The following HECW2 variants were observed in gnomAD, a reference collection of about 807,000 sequenced individuals.
HECW2 encodes HECT, C2 and WW domain containing E3 ubiquitin protein ligase 2, also known as E3 ubiquitin-protein ligase HECW2.
In HECW2, 61 loss-of-function variants were observed where a neutral mutation model predicts 175.2. That is an observed-to-expected ratio of 0.35 (90% CI 0.28 to 0.43). The LOEUF is 0.43. Among genes scored for constraint, HECW2 ranks in the 20% least tolerant of loss-of-function variants. HECW2 has a pLI of 1.00. For missense variants in HECW2, 1,524 were observed against 2,000.5 expected, an observed-to-expected ratio of 0.76 and a Z score of 4.54; for synonymous variants, 671 against 731.0, an observed-to-expected ratio of 0.92 and a Z score of 1.32.
chr2:196,505,144 A>T (rs1194138650), intron 1 of HECW2, among the ~76,000 whole-genome samples: 2 of 152,182 alleles, frequency 1.3e-5, no homozygotes, highest in Non-Finnish European at 2.9e-5. Context: ...GTAATGATAA[A>T]ATTAGATTAA....
chr2:196,546,820 CAA>C lies in HECW2; in HGVS notation c.-36+46686_-36+46687del, dbSNP rs35116760. Among the ~76,000 whole-genome samples, 230 of 106,250 alleles carry C rather than the reference CAA, an allele frequency of 2.2e-3. 1 individual carries two copies. Among genetic ancestry groups the C allele is most frequent in the African/African-American group, 2.7e-3 (77 of 28,496 alleles). The allele number at this position is 106,250 out of a possible 152,430, so 69.7% of individuals were successfully genotyped here. ...GACCTGTCATATAGGAGAAGGACAG[CAA>C]AAAAAAAAAAAAAGAGAGAAAGTAA... On this transcript the variant is annotated intron_variant, in intron 1 of 28. Coordinates refer to ENST00000644978, the MANE Select transcript of HECW2 (RefSeq NM_001348768.2).
chr2:196,278,801 AT>A (rs1170768534), intron 14 of HECW2, 139 bp from the exon 15 acceptor site: 2 of 952,952 alleles, frequency 2.1e-6, no homozygotes, highest in African/African-American at 3.3e-5. Flanking sequence ...CTTTGGGGAA[AT>A]TTCTCCTTAC....
chr2:196,538,124 A>T (rs1689081837), intron 1 of HECW2, among the ~76,000 whole-genome samples: 1 of 152,224 alleles, frequency 6.6e-6, no homozygotes, highest in South Asian at 2.1e-4. Context: ...AAGTACCTGC[A>T]TCGTTTCTCT....
intron 14 of HECW2, among the ~76,000 whole-genome samples, chr2:196,286,387 C>CATATAT (rs201658582): frequency 1.5e-5 from 2 of 137,604 alleles, no homozygotes; most frequent in Admixed American, 1.4e-4. Context: ...AGATGGAGGT[C>CATATAT]ATATATATAT....
At position 196,199,582 on chromosome 2, in the gene HECW2, G is replaced by A. The variant is rs1686791568; in HGVS notation, c.*1695C>T. On this transcript the variant is annotated 3_prime_UTR_variant, in exon 29 of 29. Transcript: ENST00000644978. ...GTAAGATTGCCAACATCCCATAATAGGAATTCCATGGCTGCTTATAAATAT... is the reference window on the plus strand; with the variant it reads ...GTAAGATTGCCAACATCCCATAATAAGAATTCCATGGCTGCTTATAAATAT... 1 of 152,510 alleles carries A rather than the reference G, an allele frequency of 6.6e-6. No homozygotes were observed. The highest frequency in any genetic ancestry group is 1.5e-5 in the Non-Finnish European group (1 of 67,998). The allele number at this position is 152,510 out of a possible 1,614,324, so 9.4% of individuals were successfully genotyped here. A position where few individuals can be genotyped will look rare whatever the true frequency, so the allele number is the denominator to read the frequency against.
chr2:196,258,434 T>C (rs576213761), intron 17 of HECW2, among the ~76,000 whole-genome samples: 3 of 152,304 alleles, frequency 2.0e-5, no homozygotes, highest in African/African-American at 7.2e-5. Context: ...TGTAAAAGCA[T>C]ATGCCTTTTT....
At chr2:196,201,745 G>A in intron 28 of HECW2, among the ~76,000 whole-genome samples, 1 of 151,950 alleles carries the variant, frequency 6.6e-6, no homozygotes, top group East Asian at 1.9e-4. Flanking sequence ...TTAATACACG[G>A]ACATAAGGCC....
rs765784753 is a variant in HECW2 at position 196,253,940 on chromosome 2, G to A, written c.3509C>T (p.Ser1170Leu). ...CTCACCTGGCGAGTTCTGAGGAGAT[G>A]ACACGGGAGAGCCACGTGGGGACTG... ...YCQSPRGSPV[S>L]SPQNSPGTQR... is the part of the protein sequence containing the mutation. Residue 1170 changes from serine to leucine, a missense_variant, in exon 19 of 29, where the codon TCA becomes TTA. Ser to Leu is a moderately radical substitution (Grantham distance 145). This residue lies in a region of HECW2 where 291 missense variants were observed against 412.2 expected (regional missense o/e 0.71). Transcript: ENST00000644978. 1.9e-6 allele frequency: 3 copies of A among 1,614,052 alleles called. No homozygotes were observed. Among genetic ancestry groups the A allele is most frequent in the Admixed American group, 3.3e-5 (2 of 60,024 alleles).
At chr2:196,409,721 T>A (rs572986570) in intron 2 of HECW2, among the ~76,000 whole-genome samples, 2 of 152,302 alleles carry the variant, frequency 1.3e-5, no homozygotes, top group East Asian at 3.9e-4. Context: ...GCATGCTACT[T>A]CTATCTTGTT....
At chr2:196,452,989 T>C (rs537163708) in intron 1 of HECW2, among the ~76,000 whole-genome samples, 13 of 152,300 alleles carry the variant, frequency 8.5e-5, no homozygotes, top group African/African-American at 2.9e-4. Flanking sequence ...TTGTGGCCTC[T>C]GACAAAATTT....
intron 4 of HECW2, among the ~76,000 whole-genome samples, chr2:196,333,134 C>A (rs1380348265): frequency 6.6e-6 from 1 of 152,096 alleles, no homozygotes; most frequent in African/African-American, 2.4e-5. Flanking sequence ...CAGGACAAAT[C>A]CTACTACACA....
At chr2:196,216,203 G>A (rs181093167) in intron 27 of HECW2, among the ~76,000 whole-genome samples, 1 of 152,140 alleles carries the variant, frequency 6.6e-6, no homozygotes, top group Non-Finnish European at 1.5e-5. Context: ...GGATGTGGAG[G>A]GTTTGTAGAA....
intron 4 of HECW2, among the ~76,000 whole-genome samples, chr2:196,332,646 T>C (rs1692409381): frequency 6.6e-6 from 1 of 152,200 alleles, no homozygotes; most frequent in Non-Finnish European, 1.5e-5. Flanking sequence ...TTCAATGATA[T>C]CTAAATACTG....
At chr2:196,481,511 T>G (rs533946220) in intron 1 of HECW2, among the ~76,000 whole-genome samples, 65 of 152,304 alleles carry the variant, frequency 4.3e-4, no homozygotes, top group African/African-American at 1.3e-3. Flanking sequence ...TCCCTAGAGA[T>G]CTCACAGAGT....
chr2:196,517,868 G>A (rs893719671), intron 1 of HECW2, among the ~76,000 whole-genome samples: 2 of 152,210 alleles, frequency 1.3e-5, no homozygotes, highest in South Asian at 2.1e-4. Flanking sequence ...TGACTGGGAG[G>A]GCAGCTACTG....
chr2:196,450,589 T>G (rs1696317774), intron 1 of HECW2, among the ~76,000 whole-genome samples: 1 of 151,750 alleles, frequency 6.6e-6, no homozygotes, highest in Non-Finnish European at 1.5e-5. Flanking sequence ...CCTCCCGGGT[T>G]CAAGAGATTC....
intron 1 of HECW2, among the ~76,000 whole-genome samples, chr2:196,461,235 G>A (rs1274863538): frequency 6.6e-6 from 1 of 152,082 alleles, no homozygotes; most frequent in Non-Finnish European, 1.5e-5. Flanking sequence ...CATGTCAGAA[G>A]AATTACATTA....
intron 11 of HECW2, among the ~76,000 whole-genome samples, chr2:196,307,525 G>C (rs1691314855): frequency 6.6e-6 from 1 of 152,090 alleles, no homozygotes; most frequent in South Asian, 2.1e-4. Flanking sequence ...AAAACTTTAT[G>C]TTCCACAGCA....
chr2:196,413,327 C>A (rs528048175), intron 2 of HECW2, among the ~76,000 whole-genome samples: 2 of 152,054 alleles, frequency 1.3e-5, no homozygotes, highest in Non-Finnish European at 2.9e-5. Context: ...TGCACTCCAG[C>A]CTGGGTGACA....
Sources: allele counts gnomAD v4.1 joint callset (sites outside exome capture counted in the v4.1 genomes callset), GRCh38; gene constraint gnomAD v4.1.1; regional missense constraint gnomAD v4.1.1; transcripts MANE v1.5; gene names NCBI Gene and HGNC (gene_info 2026-07-23, HGNC 2026-07-21).